Variants in BEND7 observed in about 807,000 individuals in gnomAD.
The protein encoded by BEND7 is BEN domain-containing protein 7.
In BEND7, 28 loss-of-function variants were observed where a neutral mutation model predicts 50.9. The ratio of observed to expected loss-of-function variants is 0.55; its 90% CI spans 0.41 to 0.75. BEND7 has a LOEUF of 0.75. Among genes scored for constraint, BEND7 ranks in the 30% least tolerant of loss-of-function variants. The pLI, the probability that BEND7 is intolerant of heterozygous loss-of-function variation, is 0.00. For missense variants in BEND7, 477 were observed against 491.3 expected (o/e 0.97, Z 0.28); for synonymous variants, 170 against 183.9 (o/e 0.92, Z 0.61).
chr10:13,441,438 G>A lies in BEND7; in HGVS notation c.*305C>T, dbSNP rs1232662485. On this transcript the variant is annotated 3_prime_UTR_variant, in exon 9 of 9. Coordinates refer to ENST00000466271, the MANE Select transcript of BEND7 (RefSeq NM_001369863.1). ...ATACGTATTTCCAGTGTGTAGATCC[G>A]TTCATCGCACACATCTTTGGGTTGA... 9.9e-6 allele frequency: 11 copies of A among 1,112,394 alleles called. No homozygotes were observed. The highest frequency in any genetic ancestry group is 4.6e-5 in the East Asian group (1 of 21,902). 68.9% of individuals were successfully genotyped at this position (1,112,394 alleles called of 1,614,324 possible).
At chr10:13,515,278 G>A (rs1225024273) in intron 2 of BEND7, among the ~76,000 whole-genome samples, 2 of 152,104 alleles carry the variant, frequency 1.3e-5, no homozygotes, top group African/African-American at 4.8e-5. Flanking sequence ...TCGATTTTAT[G>A]GAACTATAAA....
chr10:13,444,002 T>C (rs1371481551), intron 8 of BEND7: 1 of 152,182 alleles, frequency 6.6e-6, no homozygotes, highest in South Asian at 2.1e-4. Context: ...AACATCCCCA[T>C]TTCAAATTTG....
chr10:13,460,586 G>A (rs1340057962), intron 6 of BEND7, among the ~76,000 whole-genome samples: 3 of 152,152 alleles, frequency 2.0e-5, no homozygotes, highest in East Asian at 3.9e-4. Flanking sequence ...TATGACCCCC[G>A]TGTTTGGATG....
At chr10:13,442,124 G>C (rs1192118544) in intron 8 of BEND7, 3 of 208,638 alleles carry the variant, frequency 1.4e-5, no homozygotes, top group African/African-American at 6.9e-5. Context: ...TCTAGGCAGG[G>C]CCCCAGCCAC....
At chr10:13,519,080 A>G (rs1295587616) in intron 2 of BEND7, among the ~76,000 whole-genome samples, 1 of 151,920 alleles carries the variant, frequency 6.6e-6, no homozygotes, top group East Asian at 1.9e-4. Context: ...ACTTGAGCAC[A>G]ATAAAGCCAC....
intron 6 of BEND7, among the ~76,000 whole-genome samples, chr10:13,464,302 T>C (rs1028477903): frequency 6.6e-6 from 1 of 152,214 alleles, no homozygotes; most frequent in African/African-American, 2.4e-5. Flanking sequence ...GGCTTTGTCA[T>C]GCAGTGGTTA....
At chr10:13,512,693 G>T (rs4748042) in intron 2 of BEND7, among the ~76,000 whole-genome samples, 1 of 152,236 alleles carries the variant, frequency 6.6e-6, no homozygotes. Context: ...CATTAAGTAC[G>T]ATCTGGATTA....
At chr10:13,452,906 C>T (rs11258392) in intron 6 of BEND7, among the ~76,000 whole-genome samples, 39,793 of 152,086 alleles carry the variant, frequency 0.26, 5,446 homozygotes, top group African/African-American at 0.36. Context: ...ATGGAAGCTA[C>T]TCTTTCTACT....
chr10:13,440,407 C>T (rs968500027), downstream of BEND7, among the ~76,000 whole-genome samples: 1 of 152,234 alleles, frequency 6.6e-6, no homozygotes, highest in Non-Finnish European at 1.5e-5. Flanking sequence ...TCTGTTTTTG[C>T]AACAGCTCGC....
At chr10:13,512,112 G>A (rs111648021) in intron 2 of BEND7, among the ~76,000 whole-genome samples, 1 of 152,180 alleles carries the variant, frequency 6.6e-6, no homozygotes, top group South Asian at 2.1e-4. Flanking sequence ...AAATTAAGAA[G>A]AATGAGGCTA....
chr10:13,520,322 A>G (rs10752310), intron 2 of BEND7, among the ~76,000 whole-genome samples: 119,573 of 151,932 alleles, frequency 0.79, 47,257 homozygotes, highest in Non-Finnish European at 0.81. Context: ...TTCCCAGGCC[A>G]TAGCTCCTGC....
chr10:13,522,523 T>C (rs892484234), intron 2 of BEND7, among the ~76,000 whole-genome samples: 1 of 152,192 alleles, frequency 6.6e-6, no homozygotes, highest in African/African-American at 2.4e-5. Flanking sequence ...AAGACAGATG[T>C]GAAAGCACTT....
chr10:13,529,542 G>A (rs563164599), upstream of BEND7, among the ~76,000 whole-genome samples: 2 of 152,292 alleles, frequency 1.3e-5, no homozygotes, highest in South Asian at 4.1e-4. Context: ...TGTGGAAAGA[G>A]CCGAGTCACA....
At chr10:13,451,173 C>A (rs1564509641) in intron 7 of BEND7, among the ~76,000 whole-genome samples, 1 of 151,490 alleles carries the variant, frequency 6.6e-6, no homozygotes, top group South Asian at 2.1e-4. Context: ...GAATAGCCTT[C>A]TACAGAATTT....
At chr10:13,503,887 GA>G (rs2077669872) in intron 2 of BEND7, among the ~76,000 whole-genome samples, 1 of 152,180 alleles carries the variant, frequency 6.6e-6, no homozygotes, top group African/African-American at 2.4e-5. Context: ...GGACGTTCAG[GA>G]ATGGTCTCTG....
At chr10:13,521,501 C>T (rs548973405) in intron 2 of BEND7, among the ~76,000 whole-genome samples, 2 of 152,232 alleles carry the variant, frequency 1.3e-5, no homozygotes, top group Admixed American at 1.3e-4. Context: ...CATTCCACCA[C>T]CAAAAAAGGA....
intron 3 of BEND7, among the ~76,000 whole-genome samples, chr10:13,498,233 G>A (rs562694895): frequency 8.3e-4 from 126 of 151,822 alleles, no homozygotes; most frequent in African/African-American, 2.9e-3. Flanking sequence ...GCGCTACCAC[G>A]CCCGGCTAAT....
intron 2 of BEND7, among the ~76,000 whole-genome samples, chr10:13,519,866 A>G (rs971939519): frequency 1.3e-5 from 2 of 152,216 alleles, no homozygotes; most frequent in Non-Finnish European, 2.9e-5. Context: ...GAATGGTAGG[A>G]GGCTAGGATG....
chr10:13,520,349 C>T (rs2078999769), intron 2 of BEND7, among the ~76,000 whole-genome samples: 1 of 152,100 alleles, frequency 6.6e-6, no homozygotes, highest in African/African-American at 2.4e-5. Context: ...CATTCCTTCT[C>T]CCTGTGGTGC....
Sources: gnomAD v4.1 joint callset for allele counts (sites outside exome capture counted in the v4.1 genomes callset) on GRCh38, gnomAD v4.1.1 for gene constraint, MANE v1.5 for transcripts, NCBI Gene and HGNC (gene_info 2026-07-23, HGNC 2026-07-21) for gene names.